FASTKD2: variants seen among roughly 807,000 people sequenced by gnomAD.
FASTKD2 encodes the protein FAST kinase domain-containing protein 2, mitochondrial.
Under a neutral mutation model 63.6 loss-of-function variants are expected in FASTKD2, and 51 were observed. The observed-to-expected ratio is 0.80, with a 90% CI of 0.64 to 1.01. FASTKD2 has a LOEUF of 1.01. Ranked by LOEUF, FASTKD2 falls within the 50% of genes least tolerant of loss-of-function variation. FASTKD2 has a pLI of 0.00. For synonymous variants in FASTKD2, 284 were observed against 293.4 expected (o/e 0.97, Z 0.33); for missense variants, 786 against 831.1 (o/e 0.95, Z 0.67).
chr2:206,781,862 A>G (rs1574670990), intron 7 of FASTKD2, among the ~76,000 whole-genome samples: 1 of 151,636 alleles, frequency 6.6e-6, no homozygotes, highest in East Asian at 1.9e-4. Context: ...GAGCATTCAA[A>G]CTATGCTGGT....
chr2:206,775,336 T>A (rs1689793951), intron 7 of FASTKD2, among the ~76,000 whole-genome samples: 1 of 151,936 alleles, frequency 6.6e-6, no homozygotes, highest in Non-Finnish European at 1.5e-5. Context: ...AATGCCTTTT[T>A]TTTTTTTAGC....
chr2:206,769,261 C>CT (rs1689603995), intron 2 of FASTKD2, among the ~76,000 whole-genome samples: 1 of 152,090 alleles, frequency 6.6e-6, no homozygotes, highest in South Asian at 2.1e-4. Context: ...GGAAAGAAAC[C>CT]TTTTTTTTCT....
chr2:206,778,226 G>T (rs1171092899), intron 7 of FASTKD2, among the ~76,000 whole-genome samples: 1 of 151,456 alleles, frequency 6.6e-6, no homozygotes, highest in Non-Finnish European at 1.5e-5. Context: ...GTTCTTTGAG[G>T]TGTAAATTTA....
chr2:206,785,633 A>T (rs1202191698), intron 7 of FASTKD2, among the ~76,000 whole-genome samples: 1 of 152,158 alleles, frequency 6.6e-6, no homozygotes, highest in Non-Finnish European at 1.5e-5. Context: ...TGTCCACACC[A>T]TCCCCTGCCC....
In FASTKD2 at chr2:206,790,677, T is replaced by C; in HGVS notation, c.2004T>C (p.His668=). ...GGCATTTGAATGCAATGGGTTTTCA[T>C]GTGATCTTGGTGAGAAAAAAATGCA... The part of the protein sequence containing the change: ...KMRHLNAMGF[H]VILVNNWEMD... The change falls in exon 11 of 12, where the codon CAT becomes CAC. Residue 668 remains histidine, a synonymous_variant. Transcript: ENST00000402774. The C allele has an allele frequency of 6.3e-7, 1 of 1,594,466 alleles. No individual in the cohort carries two copies.
chr2:206,795,687 A>T lies in FASTKD2; in HGVS notation c.*3885A>T, dbSNP rs190609079. The stretch of plus-strand genomic sequence containing the variant: ...GACTTAGCTTCCTCTATGCAGATGT[A>T]CCTACTTGAAACTGGGAAGGCCAAA... On this transcript the variant is annotated 3_prime_UTR_variant, in exon 12 of 12. Transcript: ENST00000402774. Among the ~76,000 whole-genome samples, 1 of 152,312 alleles carries T rather than the reference A, an allele frequency of 6.6e-6. No homozygotes were observed. Among genetic ancestry groups the T allele is most frequent in the Non-Finnish European group, 1.5e-5 (1 of 68,036 alleles).
In FASTKD2 at chr2:206,777,306, G is replaced by T. The variant is rs118001646; in HGVS notation, c.1427+2909G>T. Among the ~76,000 whole-genome samples the T allele has an allele frequency of 1.2e-4, 19 of 152,124 alleles. 1 individual carries two copies. The East Asian group carries it at 3.5e-3, about 28-fold the overall frequency. ...CATCATCGAATATGATGTTAGCTAT[G>T]GCTTTTCATATATGGTCTTACTTAC... On this transcript the variant is annotated intron_variant, in intron 7 of 11. Transcript: ENST00000402774.
Position 206,766,875 on chromosome 2 carries a change from T to C in FASTKD2, c.182T>C (p.Leu61Ser), listed in dbSNP as rs863223960. 1 of 1,601,718 alleles carries C rather than the reference T, an allele frequency of 6.2e-7. No homozygotes were observed. Among genetic ancestry groups the C allele is most frequent in the Middle Eastern group, 1.7e-4 (1 of 5,994 alleles). Residue 61 changes from leucine (L) to serine (S), a missense_variant, in exon 2 of 12, where the codon TTA becomes TCA. Leu to Ser is a moderately radical substitution (Grantham distance 145, BLOSUM62 -2). Coordinates refer to ENST00000402774, the MANE Select transcript of FASTKD2 (RefSeq NM_001136193.2). Reference protein sequence around the residue: ...PKIVHSNWNILNNFHNRMQST... With the variant: ...PKIVHSNWNISNNFHNRMQST... ...ATAGTTCATTCAAACTGGAACATTT[T>C]AAATAACTTTCATAACAGAATGCAA...
intron 10 of FASTKD2, 139 bp downstream of exon 10, chr2:206,789,042 A>G (rs1342494447): frequency 4.4e-6 from 3 of 684,210 alleles, no homozygotes; most frequent in African/African-American, 1.8e-5. Flanking sequence ...CTTGTCATCC[A>G]TCAATGTACT....
At chr2:206,789,304 C>G (rs10175041) in intron 10 of FASTKD2, 2,208 of 179,890 alleles carry the variant, frequency 0.012, 51 homozygotes, top group African/African-American at 0.049. Flanking sequence ...ACCACCAAGA[C>G]TTTTCCAGAG....
intron 10 of FASTKD2, chr2:206,789,486 C>G: frequency 2.0e-5 from 3 of 153,180 alleles, no homozygotes; most frequent in African/African-American, 7.2e-5. Context: ...TGCATAAGAT[C>G]ATGCCATCAT....
In FASTKD2 at chr2:206,787,915, T is replaced by C. The variant is rs770896650; in HGVS notation, c.1595-22T>C. ...TTGCATTTATTTCTTCTTAATGATA[T>C]ACTCTCTTTTTCATCTTTTAGATGA... is the stretch of plus-strand genomic sequence containing the variant. On this transcript the variant is annotated intron_variant, in intron 8 of 11. Coordinates refer to ENST00000402774, the MANE Select transcript of FASTKD2 (RefSeq NM_001136193.2). 6 of 1,348,480 alleles carry C rather than the reference T, an allele frequency of 4.4e-6. No individual in the cohort carries two copies. The Middle Eastern group carries it at 8.4e-4, about 190-fold the overall frequency. The allele number at this position is 1,348,480 out of a possible 1,614,324, so 83.5% of individuals were successfully genotyped here.
At chr2:206,775,013 T>C (rs917093330) in intron 7 of FASTKD2, among the ~76,000 whole-genome samples, 3 of 152,080 alleles carry the variant, frequency 2.0e-5, no homozygotes, top group African/African-American at 7.2e-5. Context: ...TGTCCTTCTA[T>C]GACTAGCTTA....
In FASTKD2 at chr2:206,792,339, G is replaced by T. The variant is rs955603178; in HGVS notation, c.*537G>T. On this transcript the variant is annotated 3_prime_UTR_variant, in exon 12 of 12. Coordinates refer to ENST00000402774, the MANE Select transcript of FASTKD2 (RefSeq NM_001136193.2). ...TTTGTATTTGTAATAAGCACTGCAGGTAGAGATATTTCATGGGTTATAATA... is the reference window on the plus strand; with the variant it reads ...TTTGTATTTGTAATAAGCACTGCAGTTAGAGATATTTCATGGGTTATAATA... 1.3e-5 allele frequency: 2 copies of T among 159,728 alleles called. No individual in the cohort carries two copies. Among genetic ancestry groups the T allele is most frequent in the Admixed American group, 6.0e-5 (1 of 16,656 alleles). 9.9% of individuals were successfully genotyped at this position (159,728 alleles called of 1,614,324 possible).
At chr2:206,780,771 G>T (rs1689950744) in intron 7 of FASTKD2, among the ~76,000 whole-genome samples, 1 of 151,580 alleles carries the variant, frequency 6.6e-6, no homozygotes, top group Non-Finnish European at 1.5e-5. Flanking sequence ...TGTACTGTAA[G>T]TGTCTTAGGC....
At chr2:206,785,647 C>T (rs1049548335) in intron 7 of FASTKD2, among the ~76,000 whole-genome samples, 3 of 152,320 alleles carry the variant, frequency 2.0e-5, no homozygotes, top group East Asian at 3.9e-4. Context: ...CCTGCCCCCG[C>T]ATCCCACTGC....
intron 7 of FASTKD2, among the ~76,000 whole-genome samples, chr2:206,779,518 G>A (rs946220359): frequency 3.3e-5 from 5 of 152,116 alleles, no homozygotes; most frequent in African/African-American, 9.7e-5. Context: ...ACCTTCACAA[G>A]GTAACAGAAG....
At chr2:206,788,631 A>G (rs1690198274) in intron 9 of FASTKD2, among the ~76,000 whole-genome samples, 188 bp from the exon 10 acceptor site, 1 of 150,006 alleles carries the variant, frequency 6.7e-6, no homozygotes, top group African/African-American at 2.5e-5. Flanking sequence ...GCTACTCAAC[A>G]GGGTGGGGTA....
At chr2:206,767,798 G>A (rs1689566467) in intron 2 of FASTKD2, among the ~76,000 whole-genome samples, 1 of 152,198 alleles carries the variant, frequency 6.6e-6, no homozygotes, top group South Asian at 2.1e-4. Context: ...GGAAGGAAGA[G>A]AATTTAGTCC....
Sources: gnomAD v4.1 joint callset for allele counts (sites outside exome capture counted in the v4.1 genomes callset) on GRCh38, gnomAD v4.1.1 for gene constraint, MANE v1.5 for transcripts, NCBI Gene and HGNC (gene_info 2026-07-23, HGNC 2026-07-21) for gene names.